ERO1B: variants seen among roughly 807,000 people sequenced by gnomAD.
The protein encoded by ERO1B is endoplasmic reticulum oxidoreductase 1 beta, also known as ERO1-like protein beta.
Under a neutral mutation model 75.3 loss-of-function variants are expected in ERO1B, and 49 were observed. The ratio of observed to expected loss-of-function variants is 0.65; its 90% CI spans 0.52 to 0.83. ERO1B has a LOEUF of 0.83. ERO1B is among the 40% of genes least tolerant of loss of function. ERO1B has a pLI of 0.00. For synonymous variants in ERO1B, 191 were observed against 192.9 expected, an observed-to-expected ratio of 0.99 and a Z score of 0.08; for missense variants, 512 against 560.1, an observed-to-expected ratio of 0.91 and a Z score of 0.87.
intron 7 of ERO1B, 56 bp downstream of exon 7, chr1:236,236,222 C>T (rs746006455): frequency 4.3e-5 from 69 of 1,604,694 alleles, no homozygotes; most frequent in Middle Eastern, 1.7e-4. Flanking sequence ...CCACAGCACC[C>T]GGCCTCTCCC....
intron 2 of ERO1B, among the ~76,000 whole-genome samples, chr1:236,269,615 G>A (rs928130002): frequency 6.6e-6 from 1 of 152,188 alleles, no homozygotes; most frequent in Non-Finnish European, 1.5e-5. Context: ...GTAAGTCTGT[G>A]GCATTTTCAG....
At chr1:236,233,603 A>G (rs995791839) in intron 8 of ERO1B, among the ~76,000 whole-genome samples, 1 of 151,912 alleles carries the variant, frequency 6.6e-6, no homozygotes, top group Non-Finnish European at 1.5e-5. Flanking sequence ...GTCTCAAGAA[A>G]AAAAAAAAAA....
rs1001870356 is a variant in ERO1B, at chr1:236,216,929, T to C, written c.*1587A>G. On this transcript the variant is annotated 3_prime_UTR_variant, in exon 16 of 16. Coordinates refer to ENST00000354619, the MANE Select transcript of ERO1B (RefSeq NM_019891.4). ...GGAGGCTCCAATCAAGTCAGCCTTT[T>C]AAACAACTTAACAAAAAATACTACC... 6 of 151,802 alleles carry C rather than the reference T, an allele frequency of 4.0e-5. No homozygotes were observed. Among genetic ancestry groups the C allele is most frequent in the African/African-American group, 1.5e-4 (6 of 41,204 alleles). The allele number at this position is 151,802 out of a possible 1,614,324, so 9.4% of individuals were successfully genotyped here.
chr1:236,226,241 T>G, intron 12 of ERO1B, 28 bp downstream of exon 12: 1 of 1,607,832 alleles, frequency 6.2e-7, no homozygotes, highest in Non-Finnish European at 8.5e-7. Context: ...GAGAGGAGAA[T>G]TTCAAATCAC....
chr1:236,232,883 A>G (rs763018976), intron 8 of ERO1B, 44 bp from the exon 9 acceptor site: 10 of 1,505,838 alleles, frequency 6.6e-6, no homozygotes, highest in Middle Eastern at 1.7e-4. Context: ...AATGTCTTAC[A>G]TAGCTCAGAT....
chr1:236,259,124 G>C (rs1665234041), intron 2 of ERO1B, among the ~76,000 whole-genome samples: 1 of 152,150 alleles, frequency 6.6e-6, no homozygotes, highest in South Asian at 2.1e-4. Flanking sequence ...GCAAGTAAAA[G>C]TATAGCATTT....
chr1:236,245,321 T>TATACACGTATATATATACGTATATAC lies in ERO1B; in HGVS notation c.432-1827_432-1826insGTATATACGTATATATATACGTGTAT, dbSNP rs1664823076. Among the ~76,000 whole-genome samples the TATACACGTATATATATACGTATATAC allele has an allele frequency of 3.9e-3, 54 of 13,822 alleles. 19 individuals are homozygous for TATACACGTATATATATACGTATATAC. Among genetic ancestry groups the TATACACGTATATATATACGTATATAC allele is most frequent in the Non-Finnish European group, 8.8e-3 (46 of 5,252 alleles). The allele number at this position is 13,822 out of a possible 152,430, so 9.1% of individuals were successfully genotyped here. A position where few individuals can be genotyped will look rare whatever the true frequency, so the allele number is the denominator to read the frequency against. On this transcript the variant is annotated intron_variant, in intron 5 of 15. Transcript: ENST00000354619. ...AAATATATATATATATATATATATATACACACACGTATATATATACGTATA... is the reference window on the plus strand; with the variant it reads ...AAATATATATATATATATATATATATATACACGTATATATATACGTATATACACACACACGTATATATATACGTATA...
rs1449155937 is a variant in ERO1B, at chr1:236,230,248, C to T, written c.688G>A (p.Glu230Lys). 1.3e-6 allele frequency: 2 copies of T among 1,592,224 alleles called. No homozygotes were observed. The highest frequency in any genetic ancestry group is 8.6e-7 in the Non-Finnish European group (1 of 1,162,446). Residue 230 changes from glutamate to lysine, a missense_variant and splice_region_variant, in exon 10 of 16, where the codon GAA becomes AAA. Transcript: ENST00000354619. Reference protein sequence around the residue: ...LAPSRGEDDGESFYTWLEGLC... With the variant: ...LAPSRGEDDGKSFYTWLEGLC... Reference sequence around the variant, plus strand: ...CCTTCTAGCCATGTGTAGAATGATTCTCCTGAGAGAGAGAGAAAAGTGGAT... The same window carrying T: ...CCTTCTAGCCATGTGTAGAATGATTTTCCTGAGAGAGAGAGAAAAGTGGAT...
At chr1:236,226,157 G>T in intron 12 of ERO1B, 112 bp downstream of exon 12, 3 of 1,045,566 alleles carry the variant, frequency 2.9e-6, no homozygotes, top group Non-Finnish European at 4.2e-6. Context: ...TTCCTTTTCT[G>T]TTCTACATCT....
chr1:236,269,683 C>A (rs1192556243), intron 2 of ERO1B, among the ~76,000 whole-genome samples, 192 bp downstream of exon 2: 1 of 152,088 alleles, frequency 6.6e-6, no homozygotes, highest in Non-Finnish European at 1.5e-5. Context: ...GAGGAACTCC[C>A]CATACAAAGG....
intron 1 of ERO1B, among the ~76,000 whole-genome samples, chr1:236,276,339 A>C (rs1232507956): frequency 6.6e-6 from 1 of 152,244 alleles, no homozygotes; most frequent in Non-Finnish European, 1.5e-5. Context: ...CTAAGAGACC[A>C]GAAGAGATGA....
At chr1:236,226,783 A>G in intron 10 of ERO1B, 44 bp from the exon 11 acceptor site, 2 of 1,447,868 alleles carry the variant, frequency 1.4e-6, no homozygotes, top group Non-Finnish European at 1.9e-6. Context: ...CTATTTAGAT[A>G]TCAGAAATAT....
intron 1 of ERO1B, among the ~76,000 whole-genome samples, chr1:236,270,511 A>G (rs2102965845): frequency 6.6e-6 from 1 of 152,204 alleles, no homozygotes; most frequent in Non-Finnish European, 1.5e-5. Context: ...AGCAACCTTA[A>G]TTTTTCCAAA....
At position 236,281,847 on chromosome 1, in the gene ERO1B, A is replaced by C. The variant is rs955960645; in HGVS notation, c.-64T>G. 1.4e-5 allele frequency: 18 copies of C among 1,244,848 alleles called. No individual in the cohort carries two copies. The highest frequency in any genetic ancestry group is 2.9e-4 in the Middle Eastern group (1 of 3,492). The allele number at this position is 1,244,848 out of a possible 1,614,324, so 77.1% of individuals were successfully genotyped here. Reference sequence around the variant, plus strand: ...GGGGCCGGGGAACGACGGGCGGCCCAGGCGACGACCCAAGGGGACGGTTCC... The same window carrying C: ...GGGGCCGGGGAACGACGGGCGGCCCCGGCGACGACCCAAGGGGACGGTTCC... On this transcript the variant is annotated 5_prime_UTR_variant, in exon 1 of 16. Coordinates refer to ENST00000354619, the MANE Select transcript of ERO1B (RefSeq NM_019891.4).
In ERO1B at chr1:236,229,202, G is replaced by T. The variant is rs866466039; in HGVS notation, c.712+1022C>A. 2.6e-5 allele frequency among the ~76,000 whole-genome samples: 4 copies of T among 152,174 alleles called. 1 individual carries two copies. The highest frequency in any genetic ancestry group is 2.9e-5 in the Non-Finnish European group (2 of 68,024). On this transcript the variant is annotated intron_variant, in intron 10 of 15. Transcript: ENST00000354619. Reference sequence around the variant, plus strand: ...GCACTTTGGGAGGCTGAGGTGGGCAGATCACTTGAGGCCTGGAGTTCAAAC... The same window carrying T: ...GCACTTTGGGAGGCTGAGGTGGGCATATCACTTGAGGCCTGGAGTTCAAAC...
chr1:236,248,162 A>G (rs185135192), intron 5 of ERO1B, among the ~76,000 whole-genome samples: 1 of 152,352 alleles, frequency 6.6e-6, no homozygotes, highest in East Asian at 1.9e-4. Flanking sequence ...CACATTGTAG[A>G]CATTCATTTG....
At chr1:236,242,893 G>T (rs1278957551) in intron 6 of ERO1B, among the ~76,000 whole-genome samples, 1 of 152,120 alleles carries the variant, frequency 6.6e-6, no homozygotes, top group Non-Finnish European at 1.5e-5. Flanking sequence ...CATTCCAGGG[G>T]ACTCTTGGAA....
chr1:236,268,658 G>C (rs887794714), intron 2 of ERO1B, among the ~76,000 whole-genome samples: 1 of 149,240 alleles, frequency 6.7e-6, no homozygotes, highest in African/African-American at 2.5e-5. Context: ...AGGCCAAGGC[G>C]GGCGGATCAC....
At chr1:236,253,639 T>C (rs1386902289) in intron 2 of ERO1B, 134 bp from the exon 3 acceptor site, 6 of 628,654 alleles carry the variant, frequency 9.5e-6, no homozygotes, top group Non-Finnish European at 1.7e-5. Flanking sequence ...ACCTATAAGG[T>C]TCAGAATTTA....
Sources: allele counts gnomAD v4.1 joint callset (sites outside exome capture counted in the v4.1 genomes callset), GRCh38; gene constraint gnomAD v4.1.1; transcripts MANE v1.5; gene names NCBI Gene and HGNC (gene_info 2026-07-23, HGNC 2026-07-21).